The following MET variants were observed in gnomAD, a reference collection of about 807,000 sequenced individuals.
MET encodes hepatocyte growth factor receptor.
Under a neutral mutation model 133.1 loss-of-function variants are expected in MET, and 48 were observed. The ratio of observed to expected loss-of-function variants is 0.36; its 90% confidence interval spans 0.29 to 0.46. MET has a LOEUF of 0.46. MET is among the 20% of genes least tolerant of loss of function. The probability of loss-of-function intolerance (pLI) is 1.00; values close to 1 mark genes in which losing one functional copy is unlikely to be tolerated. For synonymous variants in MET, 628 were observed against 616.5 expected (o/e 1.02, Z -0.28); for missense variants, 1,442 against 1,695.9 (o/e 0.85, Z 2.63).
At chr7:116,792,411 T>C (rs1320479541) in intron 19 of MET, among the ~76,000 whole-genome samples, 2 of 149,316 alleles carry the variant, frequency 1.3e-5, no homozygotes, top group African/African-American at 5.0e-5. Context: ...TGCACATGAA[T>C]TGTACACCTC....
chr7:116,771,671 G>C lies in MET; in HGVS notation c.2887+17G>C, dbSNP rs1405793633. The C allele has an allele frequency of 1.2e-6, 2 of 1,613,260 alleles. No individual in the cohort carries two copies. The highest frequency in any genetic ancestry group is 4.5e-5 in the East Asian group (2 of 44,866). ...AAATTAAAGGTGCATTTTTGTTACT[G>C]TTCATTTTTAGAAGTTACCTTAAGA... On this transcript the variant is annotated intron_variant, in intron 13 of 20. Coordinates refer to ENST00000397752, the MANE Select transcript of MET (RefSeq NM_000245.4).
intron 2 of MET, among the ~76,000 whole-genome samples, chr7:116,718,154 C>T (rs912542748): frequency 2.6e-5 from 4 of 152,172 alleles, no homozygotes; most frequent in African/African-American, 4.8e-5. Context: ...TTTGGGAAGC[C>T]GAGACAGGTG....
intron 5 of MET, among the ~76,000 whole-genome samples, chr7:116,752,282 T>G (rs1423553466): frequency 6.6e-6 from 1 of 152,152 alleles, no homozygotes; most frequent in East Asian, 1.9e-4. Flanking sequence ...AGTTTTCTCA[T>G]GTTTTATCCT....
intron 19 of MET, among the ~76,000 whole-genome samples, chr7:116,786,313 G>T (rs1795312642): frequency 6.6e-6 from 1 of 152,172 alleles, no homozygotes; most frequent in African/African-American, 2.4e-5. Flanking sequence ...TCACAGTGGG[G>T]CTTAGAGCTT....
chr7:116,733,354 T>C (rs1793094570), intron 3 of MET, among the ~76,000 whole-genome samples: 1 of 152,104 alleles, frequency 6.6e-6, no homozygotes, highest in Non-Finnish European at 1.5e-5. Flanking sequence ...TCTGCTTTTT[T>C]TTTTTTCAAA....
chr7:116,690,503 C>T (rs1482274809), intron 1 of MET, among the ~76,000 whole-genome samples: 2 of 152,204 alleles, frequency 1.3e-5, no homozygotes, highest in Non-Finnish European at 1.5e-5. Context: ...AAGATTCCTC[C>T]TGTCCCTTCG....
chr7:116,783,274 C>T (rs2117064826), intron 18 of MET, 30 bp from the exon 19 acceptor site: 1 of 1,613,602 alleles, frequency 6.2e-7, no homozygotes, highest in Non-Finnish European at 8.5e-7. Flanking sequence ...CTATTTCAGC[C>T]ACGGGTAATA....
At chr7:116,786,529 A>G (rs1439511174) in intron 19 of MET, among the ~76,000 whole-genome samples, 1 of 152,226 alleles carries the variant, frequency 6.6e-6, no homozygotes, top group Admixed American at 6.5e-5. Flanking sequence ...AGTTTCAAGG[A>G]GAAATTGGAT....
chr7:116,689,091 C>T (rs1442797154), intron 1 of MET, among the ~76,000 whole-genome samples: 1 of 144,088 alleles, frequency 6.9e-6, no homozygotes, highest in Non-Finnish European at 1.5e-5. Context: ...TCTGGGAATA[C>T]CTTTTCTGTT....
chr7:116,679,012 T>G (rs1796256926), intron 1 of MET, among the ~76,000 whole-genome samples: 1 of 152,196 alleles, frequency 6.6e-6, no homozygotes, highest in African/African-American at 2.4e-5. Flanking sequence ...TATGGATGTT[T>G]GAATGATGCA....
chr7:116,744,875 G>A (rs1225149337), intron 5 of MET, among the ~76,000 whole-genome samples: 1 of 152,158 alleles, frequency 6.6e-6, no homozygotes, highest in Non-Finnish European at 1.5e-5. Context: ...ACACAAGACA[G>A]GGATGCCCTC....
rs1293619689 is a variant in MET, at chr7:116,731,825, C to T, written c.1358C>T (p.Ala453Val). 6.2e-7 allele frequency: 1 copy of T among 1,613,992 alleles called. No individual in the cohort carries two copies. The highest frequency in any genetic ancestry group is 1.3e-5 in the African/African-American group (1 of 74,928). Residue 453 changes from alanine (A) to valine (V), a missense_variant, in exon 3 of 21, where the codon GCT (alanine) becomes GTT (valine). Transcript: ENST00000397752. ...STFIKGDLTI[A>V]NLGTSEGRFM... is the part of the protein sequence containing the mutation. ...TTCATTAAAGGAGACCTCACCATAG[C>T]TAATCTTGGGACATCAGAGGGTCGC...
At chr7:116,751,488 A>T (rs1036106957) in intron 5 of MET, among the ~76,000 whole-genome samples, 1 of 152,038 alleles carries the variant, frequency 6.6e-6, no homozygotes, top group Non-Finnish European at 1.5e-5. Context: ...AGATAATCTT[A>T]TGTGTCTTAA....
chr7:116,791,855 G>A (rs1189410832), intron 19 of MET, among the ~76,000 whole-genome samples: 1 of 152,020 alleles, frequency 6.6e-6, no homozygotes, highest in African/African-American at 2.4e-5. Flanking sequence ...AGTAGAGACA[G>A]GGTTTCACCA....
At chr7:116,716,284 G>GGGGAGA (rs1411256225) in intron 2 of MET, among the ~76,000 whole-genome samples, 11 of 38,056 alleles carry the variant, frequency 2.9e-4, no homozygotes, top group African/African-American at 8.7e-4. Flanking sequence ...AGGGAGAGAG[G>GGGGAGA]GAGAGAGAGA....
chr7:116,754,143 A>G (rs1794033325), intron 5 of MET, among the ~76,000 whole-genome samples: 1 of 152,110 alleles, frequency 6.6e-6, no homozygotes, highest in South Asian at 2.1e-4. Context: ...CTAAAAGTAA[A>G]TAAGTAAATA....
chr7:116,716,291 GAGAGA>G (rs1562892905), intron 2 of MET, among the ~76,000 whole-genome samples: 42 of 60,932 alleles, frequency 6.9e-4, no homozygotes, highest in African/African-American at 3.3e-3. Flanking sequence ...GAGGGAGAGA[GAGAGA>G]GAGAGAGAGA....
chr7:116,737,604 G>A (rs1466954854), intron 3 of MET, among the ~76,000 whole-genome samples: 2 of 152,072 alleles, frequency 1.3e-5, no homozygotes, highest in African/African-American at 4.8e-5. Flanking sequence ...GAAAATAATA[G>A]TACCTACCTT....
chr7:116,741,537 G>A (rs1208419577), intron 5 of MET, among the ~76,000 whole-genome samples: 1 of 152,164 alleles, frequency 6.6e-6, no homozygotes, highest in African/African-American at 2.4e-5. Flanking sequence ...CTGCCATGCT[G>A]GGGCACACAG....
Sources: allele counts gnomAD v4.1 joint callset (sites outside exome capture counted in the v4.1 genomes callset), GRCh38; gene constraint gnomAD v4.1.1; transcripts MANE v1.5; gene names NCBI Gene and HGNC (gene_info 2026-07-23, HGNC 2026-07-21).